Variants in RAB37 observed in about 807,000 individuals in gnomAD.
RAB37 encodes the protein RAB37, member RAS oncogene family.
RAB37 carries 29 observed loss-of-function variants against 33.1 expected under a neutral mutation model. The observed-to-expected ratio is 0.88, with a 90% confidence interval of 0.65 to 1.20. RAB37 has a LOEUF of 1.20. Ranked by LOEUF, RAB37 falls within the 50% of genes most tolerant of loss-of-function variation. The probability of loss-of-function intolerance (pLI) is 0.00; values close to 1 mark genes in which losing one functional copy is unlikely to be tolerated. For missense variants in RAB37, 299 were observed against 301.1 expected, an observed-to-expected ratio of 0.99 and a Z score of 0.05; for synonymous variants, 128 against 119.5, an observed-to-expected ratio of 1.07 and a Z score of -0.47.
intron 1 of RAB37, among the ~76,000 whole-genome samples, chr17:74,719,811 C>G (rs919252943): frequency 6.6e-6 from 1 of 152,178 alleles, no homozygotes; most frequent in African/African-American, 2.4e-5. Context: ...GCCACTGTAC[C>G]TGGCCAAGCA....
At chr17:74,692,133 T>A (rs1462670367) in intron 1 of RAB37, among the ~76,000 whole-genome samples, 2 of 152,166 alleles carry the variant, frequency 1.3e-5, no homozygotes, top group Admixed American at 6.5e-5. Context: ...CCCAAAGTGC[T>A]GGGATTACAG....
chr17:74,718,860 G>T (rs2034202675), intron 1 of RAB37, among the ~76,000 whole-genome samples: 1 of 152,126 alleles, frequency 6.6e-6, no homozygotes, highest in Admixed American at 6.6e-5. Context: ...ATTTATTTCA[G>T]GTTACATGAA....
At chr17:74,698,555 C>G in intron 1 of RAB37, 3 of 1,539,442 alleles carry the variant, frequency 1.9e-6, no homozygotes, top group Non-Finnish European at 2.6e-6. Context: ...ACCCACCCAG[C>G]AGCAGGGGAG....
chr17:74,708,720 T>C (rs1281379385), intron 1 of RAB37, among the ~76,000 whole-genome samples: 2 of 151,996 alleles, frequency 1.3e-5, no homozygotes, highest in Non-Finnish European at 2.9e-5. Flanking sequence ...ATCGAGACCA[T>C]CCTGGCTAAC....
intron 1 of RAB37, among the ~76,000 whole-genome samples, chr17:74,688,810 G>A (rs934405333): frequency 1.1e-4 from 16 of 152,124 alleles, no homozygotes; most frequent in Admixed American, 1.0e-3. Flanking sequence ...GGCTTCATAA[G>A]TTTCTAGAAT....
intron 1 of RAB37, among the ~76,000 whole-genome samples, chr17:74,717,043 G>C (rs1340014311): frequency 6.6e-6 from 1 of 152,272 alleles, no homozygotes; most frequent in Non-Finnish European, 1.5e-5. Flanking sequence ...GCTGAGGCAG[G>C]AGAATCACTT....
chr17:74,716,260 T>G (rs2086523053), intron 1 of RAB37, among the ~76,000 whole-genome samples: 1 of 152,202 alleles, frequency 6.6e-6, no homozygotes, highest in Non-Finnish European at 1.5e-5. Context: ...TCATCTGAGA[T>G]TCTCCCTGCT....
At chr17:74,736,825 C>T, upstream of RAB37, 2 of 1,533,566 alleles carry the variant, frequency 1.3e-6, no homozygotes, top group Non-Finnish European at 8.7e-7. Flanking sequence ...TCGGCGGAGG[C>T]GCAGCCCAGG....
At chr17:74,704,228 C>T in intron 1 of RAB37, 2 of 451,098 alleles carry the variant, frequency 4.4e-6, no homozygotes, top group Non-Finnish European at 7.9e-6. Context: ...TGTCCTCAGG[C>T]ACTGAGCTGT....
upstream of RAB37, among the ~76,000 whole-genome samples, chr17:74,733,549 A>AACTTGAGGGGTGTGTG (rs2034423866): frequency 1.9e-4 from 1 of 5,348 alleles, no homozygotes; most frequent in African/African-American, 6.7e-4. Flanking sequence ...TGAGGTGTGT[A>AACTTGAGGGGTGTGTG]TGGTCTGAGG....
At chr17:74,737,751 G>A (rs2034516045) in intron 1 of RAB37, among the ~76,000 whole-genome samples, 1 of 152,184 alleles carries the variant, frequency 6.6e-6, no homozygotes, top group Non-Finnish European at 1.5e-5. Flanking sequence ...TCCCCTGCTG[G>A]CAGAGGAACT....
upstream of RAB37, among the ~76,000 whole-genome samples, chr17:74,735,034 A>G (rs866106682): frequency 0.013 from 1,501 of 118,384 alleles, 25 homozygotes; most frequent in African/African-American, 0.037. Flanking sequence ...AGAAAGAAAG[A>G]AAGAAAGAAA....
intron 1 of RAB37, chr17:74,695,232 T>G: frequency 6.2e-7 from 1 of 1,614,016 alleles, no homozygotes; most frequent in Non-Finnish European, 8.5e-7. Context: ...ATAGGAAATG[T>G]CCTCCTTCGG....
At chr17:74,732,705 G>GT (rs1235106950), upstream of RAB37, among the ~76,000 whole-genome samples, 8 of 55,200 alleles carry the variant, frequency 1.4e-4, no homozygotes, top group South Asian at 1.0e-3. Context: ...TGATTTGAGG[G>GT]GTGTGTGGTG....
Position 74,742,517 on chromosome 17 carries a change from A to G in RAB37, c.246+222A>G, listed in dbSNP as rs1204712804. On this transcript the variant is annotated intron_variant, in intron 3 of 8. Coordinates refer to ENST00000392613, the MANE Select transcript of RAB37 (RefSeq NM_001006638.3). The surrounding 1 kb of genome is among the most constrained non-coding windows in gnomAD (Gnocchi z 4.0). ...GCTCCAAATGCCTTCAGACAAGCTTAGCCTCCATCCATCTCCTCCCCAGTT... is the reference window on the plus strand; with the variant it reads ...GCTCCAAATGCCTTCAGACAAGCTTGGCCTCCATCCATCTCCTCCCCAGTT... Among the ~76,000 whole-genome samples the G allele has an allele frequency of 2.0e-5, 3 of 152,218 alleles. No homozygotes were observed. Among genetic ancestry groups the G allele is most frequent in the African/African-American group, 7.2e-5 (3 of 41,456 alleles).
At position 74,729,626 on chromosome 17, in the gene RAB37, G is replaced by C. The variant is rs940421848; in HGVS notation, c.183+260G>C. Among the ~76,000 whole-genome samples, 1 of 151,982 alleles carries C rather than the reference G, an allele frequency of 6.6e-6. No homozygotes were observed. Among genetic ancestry groups the C allele is most frequent in the Non-Finnish European group, 1.5e-5 (1 of 67,998 alleles). On this transcript the variant is annotated intron_variant, in intron 2 of 7. Coordinates refer to the RAB37 transcript ENST00000340415. The surrounding 1 kb of genome is among the most constrained non-coding windows in gnomAD (Gnocchi z 4.2). ...ACCCTCACCAGAACCCAGGGACAAAGCAGGCTGCTGGGTGAGCTGCCTGGC... is the reference window on the plus strand; with the variant it reads ...ACCCTCACCAGAACCCAGGGACAAACCAGGCTGCTGGGTGAGCTGCCTGGC...
chr17:74,690,686 G>C (rs2032142562), intron 1 of RAB37, among the ~76,000 whole-genome samples: 1 of 152,194 alleles, frequency 6.6e-6, no homozygotes, highest in African/African-American at 2.4e-5. Context: ...AACCGGGCTG[G>C]ATTAGCAGCT....
rs114151829 is a variant in RAB37 at position 74,720,434 on chromosome 17, C to T, written c.73-8822C>T. 9.0e-3 allele frequency among the ~76,000 whole-genome samples: 1,362 copies of T among 151,438 alleles called. 17 individuals carry two copies. Among genetic ancestry groups the T allele is most frequent in the African/African-American group, 0.032 (1,304 of 41,308 alleles). The stretch of plus-strand genomic sequence containing the variant: ...ACCCCATCTCTACTGAAAAAAAAAA[C>T]CCAAAATTTGGCAGGGTGTGGTGGC... On this transcript the variant is annotated intron_variant, in intron 1 of 7. Transcript: ENST00000340415.
rs111764729 is a variant in RAB37 at position 74,704,246 on chromosome 17, T to TA, written c.73-25004dup. ...CCTCAGGCACTGAGCTGTGCAGAGG[T>TA]AAAAAATGTGCCTAGAAAGGCTTAA... is the stretch of plus-strand genomic sequence containing the variant. On this transcript the variant is annotated intron_variant, in intron 1 of 7. Coordinates refer to the RAB37 transcript ENST00000340415. The TA allele has an allele frequency of 8.6e-4, 458 of 531,168 alleles. 1 individual carries two copies. The highest frequency in any genetic ancestry group is 7.8e-3 in the African/African-American group (410 of 52,652). The allele number at this position is 531,168 out of a possible 1,614,324, so 32.9% of individuals were successfully genotyped here. A position where few individuals can be genotyped will look rare whatever the true frequency, so the allele number is the denominator to read the frequency against.
Sources: gnomAD v4.1 joint callset for allele counts (sites outside exome capture counted in the v4.1 genomes callset) on GRCh38, gnomAD v4.1.1 for gene constraint, Gnocchi (gnomAD v3.1) non-coding constraint, MANE v1.5 for transcripts, NCBI Gene and HGNC (gene_info 2026-07-23, HGNC 2026-07-21) for gene names.